Variants in HIVEP3 observed in about 807,000 individuals in gnomAD.
HIVEP3 encodes the protein HIVEP zinc finger 3.
A neutral mutation model predicts 152.8 loss-of-function variants in HIVEP3; 49 were observed. That is an observed-to-expected ratio of 0.32 (90% CI 0.26 to 0.41). HIVEP3 has a LOEUF of 0.41. HIVEP3 is among the 10% of genes least tolerant of loss of function. The probability of loss-of-function intolerance (pLI) is 1.00; values close to 1 mark genes in which losing one functional copy is unlikely to be tolerated. For missense variants in HIVEP3, 2,790 were observed against 3,103.3 expected (o/e 0.90, Z 2.40); for synonymous variants, 1,269 against 1,289.0 (o/e 0.98, Z 0.33).
intron 1 of HIVEP3, among the ~76,000 whole-genome samples, chr1:41,820,335 T>C (rs937012237): frequency 6.6e-6 from 1 of 152,228 alleles, no homozygotes; most frequent in Admixed American, 6.5e-5. Context: ...TGATCTGTTT[T>C]ATCCCCAGAA....
intron 2 of HIVEP3, among the ~76,000 whole-genome samples, chr1:41,647,817 C>T (rs530766802): frequency 6.6e-5 from 10 of 152,252 alleles, no homozygotes; most frequent in Admixed American, 1.3e-4. Context: ...CACTGGGATC[C>T]GCAGAACACT....
Position 41,662,271 on chromosome 1 carries a change from C to T in HIVEP3, c.-720-33324G>A, listed in dbSNP as rs1485006230. On this transcript the variant is annotated intron_variant, in intron 2 of 8. Transcript: ENST00000372583. This position sits in a 1 kb window ranked among gnomAD's most constrained non-coding sequence, Gnocchi z 7.2. Reference sequence around the variant, plus strand: ...CTCCGCCCGGCTCGGCTCCGCCCGGCGGTGCCCCAGGCGCTCGCTGGCGGC... The same window carrying T: ...CTCCGCCCGGCTCGGCTCCGCCCGGTGGTGCCCCAGGCGCTCGCTGGCGGC... 1.4e-5 allele frequency: 2 copies of T among 145,516 alleles called. No homozygotes were observed. The highest frequency in any genetic ancestry group is 3.1e-5 in the Non-Finnish European group (2 of 65,556). The allele number at this position is 145,516 out of a possible 1,614,324, so 9.0% of individuals were successfully genotyped here. A position where few individuals can be genotyped will look rare whatever the true frequency, so the allele number is the denominator to read the frequency against.
At chr1:41,529,964 TCACA>T (rs1160458453) in intron 5 of HIVEP3, among the ~76,000 whole-genome samples, 1 of 91,408 alleles carries the variant, frequency 1.1e-5, no homozygotes, top group East Asian at 3.7e-4. Context: ...ACGCTCACAG[TCACA>T]CACGCTCACA....
At chr1:41,531,950 G>C (rs1347358459) in intron 5 of HIVEP3, among the ~76,000 whole-genome samples, 1 of 130,544 alleles carries the variant, frequency 7.7e-6, no homozygotes, top group Non-Finnish European at 1.7e-5. Context: ...ATGGAGGACA[G>C]GAGAAATGGA....
At chr1:41,703,028 C>T (rs1045918643) in intron 1 of HIVEP3, among the ~76,000 whole-genome samples, 10 of 152,222 alleles carry the variant, frequency 6.6e-5, no homozygotes, top group East Asian at 3.8e-4. Context: ...TGTGAAATCT[C>T]GTTTCCATCT....
In HIVEP3 at chr1:41,662,794, G is replaced by A. The variant is rs1243018927; in HGVS notation, c.-720-33847C>T. 6.6e-6 allele frequency among the ~76,000 whole-genome samples: 1 copy of A among 152,056 alleles called. No individual in the cohort carries two copies. The highest frequency in any genetic ancestry group is 1.5e-5 in the Non-Finnish European group (1 of 67,944). On this transcript the variant is annotated intron_variant, in intron 2 of 8. Transcript: ENST00000372583. The surrounding 1 kb of genome is among the most constrained non-coding windows in gnomAD (Gnocchi z 7.2). ...CAGGGAAGCCCCTGTCGCCGCCGCC[G>A]GGGCCCTGCCACTCTGCGCCACGCC...
chr1:41,988,641 T>G (rs145420483), intron 1 of HIVEP3, among the ~76,000 whole-genome samples: 1 of 152,226 alleles, frequency 6.6e-6, no homozygotes, highest in Non-Finnish European at 1.5e-5. Flanking sequence ...ACAGCCATTA[T>G]GAAAACCAGT....
At chr1:42,010,429 T>C (rs1052268290) in intron 1 of HIVEP3, among the ~76,000 whole-genome samples, 3 of 152,192 alleles carry the variant, frequency 2.0e-5, no homozygotes, top group African/African-American at 7.2e-5. Context: ...CCTTTGTAGT[T>C]AGGCAGGTCT....
At chr1:41,566,011 T>C (rs1032291972) in intron 5 of HIVEP3, among the ~76,000 whole-genome samples, 8 of 152,110 alleles carry the variant, frequency 5.3e-5, no homozygotes, top group African/African-American at 1.9e-4. Context: ...TCATCAGTTG[T>C]CTCTGATGAC....
intron 2 of HIVEP3, among the ~76,000 whole-genome samples, chr1:41,652,007 T>A (rs1376406717): frequency 6.6e-6 from 1 of 152,250 alleles, no homozygotes; most frequent in Non-Finnish European, 1.5e-5. Flanking sequence ...AATACATAGC[T>A]TTCTATGCAC....
intron 1 of HIVEP3, among the ~76,000 whole-genome samples, chr1:42,016,842 T>G (rs1645525874): frequency 6.6e-6 from 1 of 152,150 alleles, no homozygotes; most frequent in Non-Finnish European, 1.5e-5. Context: ...GTATTTCCAG[T>G]TTCGATATTA....
rs772292632 is a variant in HIVEP3 at position 41,582,516 on chromosome 1, C to T, written c.2282G>A (p.Ser761Asn). ...TCCCTCCAAGGAGGGCACTGATTTA[C>T]TTGGTTCTGCTGGTGACTTGGTGGA... ...LESTKSPAEP[S>N]KSVPSLEGPT... The change falls in exon 4 of 9, where the codon AGT becomes AAT. Residue 761 changes from serine to asparagine, a missense_variant. Physicochemically the swap from Ser to Asn is conservative, Grantham distance 46. Transcript: ENST00000372583. This position sits in a 1 kb window ranked among gnomAD's most constrained non-coding sequence, Gnocchi z 4.7. 25 of 1,611,770 alleles carry T rather than the reference C, an allele frequency of 1.6e-5. No individual in the cohort carries two copies. The highest frequency in any genetic ancestry group is 2.0e-5 in the Non-Finnish European group (24 of 1,178,634).
At chr1:41,611,500 A>G (rs1272322226) in intron 3 of HIVEP3, among the ~76,000 whole-genome samples, 4 of 152,222 alleles carry the variant, frequency 2.6e-5, no homozygotes, top group Non-Finnish European at 5.9e-5. Context: ...TTTTACATCC[A>G]TCTCACAGAT....
chr1:41,892,440 G>A (rs1306003316), intron 1 of HIVEP3, among the ~76,000 whole-genome samples: 1 of 152,136 alleles, frequency 6.6e-6, no homozygotes, highest in Non-Finnish European at 1.5e-5. Context: ...ATGCCCAGAC[G>A]CTCTGAACCA....
intron 3 of HIVEP3, among the ~76,000 whole-genome samples, chr1:41,616,509 C>T (rs562496690): frequency 1.3e-3 from 190 of 151,880 alleles, no homozygotes; most frequent in Non-Finnish European, 2.0e-3. Context: ...ATTTGAGACT[C>T]CAGCCTTCCT....
At chr1:41,811,359 G>A (rs1343305103) in intron 1 of HIVEP3, among the ~76,000 whole-genome samples, 1 of 150,866 alleles carries the variant, frequency 6.6e-6, no homozygotes, top group Non-Finnish European at 1.5e-5. Context: ...CTGCTTGCTT[G>A]TTTGTTGTAT....
chr1:41,968,292 C>T (rs1008949027), intron 1 of HIVEP3, among the ~76,000 whole-genome samples: 3 of 151,804 alleles, frequency 2.0e-5, no homozygotes, highest in Admixed American at 2.0e-4. Flanking sequence ...TGATGAACAT[C>T]GATGCAAAAA....
intron 1 of HIVEP3, among the ~76,000 whole-genome samples, chr1:41,949,997 G>A (rs1213052987): frequency 6.6e-6 from 1 of 152,172 alleles, no homozygotes; most frequent in Non-Finnish European, 1.5e-5. Context: ...CTGAGAGACA[G>A]GACTACCTGG....
intron 1 of HIVEP3, among the ~76,000 whole-genome samples, chr1:41,775,954 T>C (rs1334795420): frequency 6.6e-6 from 1 of 152,222 alleles, no homozygotes; most frequent in Non-Finnish European, 1.5e-5. Flanking sequence ...CAGTTACATG[T>C]GGACACAGTT....
Sources: gnomAD v4.1 joint callset for allele counts (sites outside exome capture counted in the v4.1 genomes callset) on GRCh38, gnomAD v4.1.1 for gene constraint, Gnocchi (gnomAD v3.1) non-coding constraint, MANE v1.5 for transcripts, NCBI Gene and HGNC (gene_info 2026-07-23, HGNC 2026-07-21) for gene names.